The following DHRSX variants were observed in gnomAD, a reference collection of about 807,000 sequenced individuals.
DHRSX encodes polyprenol dehydrogenase.
A neutral mutation model predicts 34.0 loss-of-function variants in DHRSX; 31 were observed. That is an observed-to-expected ratio of 0.91 (90% confidence interval 0.69 to 1.23). DHRSX has a LOEUF of 1.23. Ranked by LOEUF, DHRSX falls within the 50% of genes most tolerant of loss-of-function variation. The pLI, the probability that DHRSX is intolerant of heterozygous loss-of-function variation, is 0.00. For synonymous variants in DHRSX, 201 were observed against 183.8 expected, an observed-to-expected ratio of 1.09 and a Z score of -0.76; for missense variants, 414 against 428.1, an observed-to-expected ratio of 0.97 and a Z score of 0.29.
At chrX:2,495,652 CCTT>C (rs1569349857) in intron 1 of DHRSX, among the ~76,000 whole-genome samples, 1 of 152,210 alleles carries the variant, frequency 6.6e-6, no homozygotes, top group African/African-American at 2.4e-5. Context: ...TGAGTACCCT[CCTT>C]CCTCCTTCCT....
At chrX:2,489,252 G>A (rs751355986) in intron 1 of DHRSX, 5 of 1,613,906 alleles carry the variant, frequency 3.1e-6, no homozygotes, top group East Asian at 2.2e-5. Context: ...ACCTGCTGCC[G>A]CTCGAAGGCG....
chrX:2,322,815 A>G (rs1202321400), intron 3 of DHRSX, among the ~76,000 whole-genome samples: 9 of 152,282 alleles, frequency 5.9e-5, no homozygotes, highest in East Asian at 1.9e-4. Context: ...TAGGATATTC[A>G]TAAGTTTTGG....
At chrX:2,360,883 C>T (rs1462054105) in intron 3 of DHRSX, among the ~76,000 whole-genome samples, 2 of 152,038 alleles carry the variant, frequency 1.3e-5, no homozygotes, top group Non-Finnish European at 2.9e-5. Flanking sequence ...AATGACTAAA[C>T]ACCAAATACA....
intron 1 of DHRSX, among the ~76,000 whole-genome samples, chrX:2,466,833 AG>A (rs2044503806): frequency 6.6e-6 from 1 of 152,122 alleles, no homozygotes; most frequent in Admixed American, 6.5e-5. Flanking sequence ...TGGGAGGCCA[AG>A]GCGGGTGGAT....
At chrX:2,499,094 G>C (rs1317024049) in intron 1 of DHRSX, among the ~76,000 whole-genome samples, 1 of 152,126 alleles carries the variant, frequency 6.6e-6, no homozygotes, top group African/African-American at 2.4e-5. Context: ...CTCCAGGCAC[G>C]CTTCTCAAAG....
At chrX:2,496,559 C>T (rs1407320065) in intron 1 of DHRSX, among the ~76,000 whole-genome samples, 1 of 152,072 alleles carries the variant, frequency 6.6e-6, no homozygotes. Context: ...ATGGGTGCAC[C>T]AGAATCTCAC....
chrX:2,373,024 A>G (rs6641964), intron 3 of DHRSX, among the ~76,000 whole-genome samples: 53,953 of 152,010 alleles, frequency 0.35, 10,377 homozygotes, highest in African/African-American at 0.5. Flanking sequence ...ATAAAGAAAA[A>G]GAGCTTTAAT....
chrX:2,253,707 G>A (rs757890115), intron 5 of DHRSX, among the ~76,000 whole-genome samples: 18 of 152,254 alleles, frequency 1.2e-4, no homozygotes, highest in African/African-American at 3.8e-4. Flanking sequence ...TCCATTTTTT[G>A]CTGATTAAAG....
Position 2,266,771 on chromosome X carries a change from C to T in DHRSX, c.565G>A (p.Ala189Thr), listed in dbSNP as rs150374082. ...VTVSSATHYV[A>T]ELNMDDLQSS... ...TGAAGGTCATCCATGTTCAGCTCAG[C>T]GACGTAATGGGTGGCAGAGGAGACG... Residue 189 changes from alanine (A) to threonine (T), a missense_variant, in exon 5 of 7, where the codon GCT becomes ACT. By Grantham distance (58) the Ala-to-Thr change is moderately conservative. Coordinates refer to ENST00000334651, the MANE Select transcript of DHRSX (RefSeq NM_145177.3). The T allele has an allele frequency of 6.9e-5, 111 of 1,613,838 alleles. No individual in the cohort carries two copies. The highest frequency in any genetic ancestry group is 1.8e-4 in the Admixed American group (11 of 59,990).
intron 2 of DHRSX, among the ~76,000 whole-genome samples, chrX:2,420,762 T>C (rs1316722726): frequency 2.0e-5 from 3 of 148,788 alleles, no homozygotes; most frequent in Non-Finnish European, 3.0e-5. Context: ...AAAAAAAGAA[T>C]GGATAAAAAA....
At chrX:2,233,313 A>T (rs994856711) in intron 6 of DHRSX, among the ~76,000 whole-genome samples, 5 of 151,848 alleles carry the variant, frequency 3.3e-5, no homozygotes, top group African/African-American at 1.2e-4. Context: ...AATACACAAG[A>T]CGGTCCTGTA....
At chrX:2,406,597 C>T (rs778432029) in intron 3 of DHRSX, among the ~76,000 whole-genome samples, 266 of 152,058 alleles carry the variant, frequency 1.7e-3, no homozygotes, top group African/African-American at 5.9e-3. Context: ...CCTGCCACCA[C>T]GCTCGGCTAA....
At chrX:2,475,123 G>C (rs769549333) in intron 1 of DHRSX, among the ~76,000 whole-genome samples, 24,061 of 138,150 alleles carry the variant, frequency 0.17, 3,243 homozygotes, top group African/African-American at 0.35. Context: ...GCAACCAAGG[G>C]ACCACTGCTG....
rs1261299607 is a variant in DHRSX, at chrX:2,220,825, T to G, written c.*216A>C. The G allele has an allele frequency of 4.0e-6, 2 of 500,642 alleles. No individual in the cohort carries two copies. The highest frequency in any genetic ancestry group is 7.1e-6 in the Non-Finnish European group (2 of 280,686). The allele number at this position is 500,642 out of a possible 1,614,324, so 31.0% of individuals were successfully genotyped here. A position where few individuals can be genotyped will look rare whatever the true frequency, so the allele number is the denominator to read the frequency against. ...ACTGGGCACTTTGGAATCACAAAGT[T>G]TATGGTTGAAGACCACTTGGGGTGA... On this transcript the variant is annotated 3_prime_UTR_variant, in exon 7 of 7. Transcript: ENST00000334651.
intron 1 of DHRSX, among the ~76,000 whole-genome samples, chrX:2,473,448 A>C (rs530351057): frequency 9.2e-5 from 14 of 152,152 alleles, no homozygotes; most frequent in African/African-American, 2.7e-4. Context: ...ACATGAAGAA[A>C]ACCCATCTCT....
intron 3 of DHRSX, among the ~76,000 whole-genome samples, chrX:2,391,721 T>G (rs191658627): frequency 1.3e-5 from 2 of 151,902 alleles, no homozygotes; most frequent in Non-Finnish European, 2.9e-5. Context: ...AGGTCAGGAG[T>G]TCGAGACCAG....
At chrX:2,353,258 C>G (rs7059904) in intron 3 of DHRSX, among the ~76,000 whole-genome samples, 118,605 of 151,932 alleles carry the variant, frequency 0.78, 47,630 homozygotes, top group African/African-American at 0.94. Flanking sequence ...AAAGAAAAAG[C>G]GTCCAACACC....
intron 2 of DHRSX, 63 bp from the exon 3 acceptor site, chrX:2,408,876 CAA>C (rs11388393): frequency 9.3e-5 from 99 of 1,067,236 alleles, no homozygotes; most frequent in Non-Finnish European, 1.2e-4. Flanking sequence ...CTATTAACTG[CAA>C]AAAAAAAAAG....
intron 4 of DHRSX, among the ~76,000 whole-genome samples, chrX:2,270,094 T>G (rs1375597382): frequency 1.3e-5 from 2 of 152,152 alleles, no homozygotes; most frequent in Non-Finnish European, 2.9e-5. Context: ...TGCATTTGTA[T>G]ATGTGCTTGC....
Sources: gnomAD v4.1 joint callset for allele counts (sites outside exome capture counted in the v4.1 genomes callset) on GRCh38, gnomAD v4.1.1 for gene constraint, MANE v1.5 for transcripts, NCBI Gene and HGNC (gene_info 2026-07-23, HGNC 2026-07-21) for gene names.